The following LNPEP variants were observed in gnomAD, a reference collection of about 807,000 sequenced individuals.
The protein encoded by LNPEP is leucyl and cystinyl aminopeptidase.
A neutral mutation model predicts 120.6 loss-of-function variants in LNPEP; 64 were observed. That is an observed-to-expected ratio of 0.53 (90% CI 0.43 to 0.65). The LOEUF (loss-of-function observed/expected upper bound fraction) is 0.65. LNPEP is among the 30% of genes least tolerant of loss of function. The pLI is 0.00. For missense variants in LNPEP, 1,057 were observed against 1,200.0 expected (o/e 0.88, Z 1.76); for synonymous variants, 435 against 425.4 (o/e 1.02, Z -0.28).
intron 1 of LNPEP, among the ~76,000 whole-genome samples, chr5:96,963,618 G>A (rs1789657923): frequency 6.6e-6 from 1 of 152,166 alleles, no homozygotes; most frequent in African/African-American, 2.4e-5. Flanking sequence ...CCTAGGATTG[G>A]ACATTCCACA....
Position 96,985,356 on chromosome 5 carries a change from T to C in LNPEP, c.999+138T>C, listed in dbSNP as rs1032756219. The C allele has an allele frequency of 5.6e-6, 4 of 713,072 alleles. No homozygotes were observed. In the African/African-American group the frequency reaches 7.4e-5, roughly 13 times the overall value. 44.2% of individuals were successfully genotyped at this position (713,072 alleles called of 1,614,324 possible). ...AATATTCTTCCTTAAAATACTTAAA[T>C]AAAAATTAAAATATATTGGCATCAG... On this transcript the variant is annotated intron_variant, in intron 3 of 17. Transcript: ENST00000231368.
chr5:97,008,053 AC>A (rs1224822879), intron 11 of LNPEP, among the ~76,000 whole-genome samples: 1 of 152,182 alleles, frequency 6.6e-6, no homozygotes, highest in African/African-American at 2.4e-5. Flanking sequence ...AGCTGGAAGT[AC>A]AAGGAATTGC....
At chr5:97,027,863 C>T (rs202011495) in intron 17 of LNPEP, 49 bp downstream of exon 17, 1 of 1,093,290 alleles carries the variant, frequency 9.1e-7, no homozygotes, top group East Asian at 2.4e-5. Flanking sequence ...CCTCCGCACA[C>T]CCGGACCAGG....
At chr5:97,022,004 T>C (rs1791213225) in intron 13 of LNPEP, among the ~76,000 whole-genome samples, 1 of 134,910 alleles carries the variant, frequency 7.4e-6, no homozygotes, top group Admixed American at 8.2e-5. Flanking sequence ...CTATCTCAGC[T>C]CACTGCAACC....
rs142966856 is a variant in LNPEP, at chr5:97,022,457, A to G, written c.2534A>G (p.Asp845Gly). The G allele has an allele frequency of 1.1e-5, 17 of 1,613,808 alleles. No homozygotes were observed. The highest frequency in any genetic ancestry group is 1.4e-5 in the Non-Finnish European group (16 of 1,179,898). Residue 845 changes from aspartate (D) to glycine (G), a missense_variant, in exon 14 of 18, where the codon GAC becomes GGC. Coordinates refer to ENST00000231368, the MANE Select transcript of LNPEP (RefSeq NM_005575.3). ...CSTTAMKLFD[D>G]WMASNGTQSL... Reference sequence around the variant, plus strand: ...ACTACTGCCATGAAACTGTTTGATGACTGGATGGCATCCAATGGAACTCAA... The same window carrying G: ...ACTACTGCCATGAAACTGTTTGATGGCTGGATGGCATCCAATGGAACTCAA...
At chr5:96,955,949 C>CT (rs1296115028) in intron 1 of LNPEP, among the ~76,000 whole-genome samples, 1 of 152,144 alleles carries the variant, frequency 6.6e-6, no homozygotes, top group East Asian at 1.9e-4. Flanking sequence ...GTAAAATAAT[C>CT]TTTTTAATTT....
At chr5:96,982,040 G>C (rs1040334807) in intron 2 of LNPEP, among the ~76,000 whole-genome samples, 1 of 152,068 alleles carries the variant, frequency 6.6e-6, no homozygotes, top group African/African-American at 2.4e-5. Context: ...AGCCTCTTAC[G>C]TGTTTAGTCT....
Position 97,014,442 on chromosome 5 carries a change from G to A in LNPEP, c.2220-497G>A, listed in dbSNP as rs1159347191. Among the ~76,000 whole-genome samples the A allele has an allele frequency of 2.0e-5, 3 of 152,090 alleles. No homozygotes were observed. The East Asian group carries it at 5.8e-4, about 29-fold the overall frequency. On this transcript the variant is annotated intron_variant, in intron 12 of 17. Coordinates refer to ENST00000231368, the MANE Select transcript of LNPEP (RefSeq NM_005575.3). The stretch of plus-strand genomic sequence containing the variant: ...CCCTTCTTACGTCATCCTAGCCATT[G>A]CTGCTGTGATTCCTATAAAATGGTT...
intron 1 of LNPEP, chr5:96,936,983 G>C (rs1391317504): frequency 6.6e-6 from 1 of 152,224 alleles, no homozygotes; most frequent in Non-Finnish European, 1.5e-5. Context: ...GCTTTTGTGC[G>C]GACCAGAAGT....
At position 97,037,429 on chromosome 5, in the gene LNPEP, T is replaced by C. The variant is rs937904146; in HGVS notation, c.*8896T>C. The C allele has an allele frequency of 2.6e-5, 4 of 152,184 alleles. No individual in the cohort carries two copies. The highest frequency in any genetic ancestry group is 4.4e-5 in the Non-Finnish European group (3 of 68,024). The allele number at this position is 152,184 out of a possible 1,614,324, so 9.4% of individuals were successfully genotyped here. A position where few individuals can be genotyped will look rare whatever the true frequency, so the allele number is the denominator to read the frequency against. On this transcript the variant is annotated 3_prime_UTR_variant, in exon 18 of 18. Coordinates refer to ENST00000231368, the MANE Select transcript of LNPEP (RefSeq NM_005575.3). The stretch of plus-strand genomic sequence containing the variant: ...TATTTCTGATAACTTGTTTTGCATA[T>C]GACCAGCACTGACTGAAAGGCATGT...
intron 11 of LNPEP, chr5:97,010,778 CAT>C (rs953259067): frequency 2.0e-6 from 2 of 985,140 alleles, no homozygotes; most frequent in Non-Finnish European, 2.4e-6. Context: ...AAATTAAAAA[CAT>C]ATGAGGGTAG....
Position 97,028,933 on chromosome 5 carries a change from G to C in LNPEP, c.*400G>C, listed in dbSNP as rs1312915339. The C allele has an allele frequency of 5.7e-6, 1 of 174,568 alleles. No individual in the cohort carries two copies. Among genetic ancestry groups the C allele is most frequent in the African/African-American group, 2.4e-5 (1 of 41,634 alleles). 10.8% of individuals were successfully genotyped at this position (174,568 alleles called of 1,614,324 possible). ...ATCACTTCAGGCCGCTGGTTTGTCAGCCATCTGTTGCTTCTTATTGATAGA... is the reference window on the plus strand; with the variant it reads ...ATCACTTCAGGCCGCTGGTTTGTCACCCATCTGTTGCTTCTTATTGATAGA... On this transcript the variant is annotated 3_prime_UTR_variant, in exon 18 of 18. Coordinates refer to ENST00000231368, the MANE Select transcript of LNPEP (RefSeq NM_005575.3).
At chr5:97,028,139 T>G (rs1791390894) in intron 17 of LNPEP, among the ~76,000 whole-genome samples, 1 of 152,242 alleles carries the variant, frequency 6.6e-6, no homozygotes, top group Admixed American at 6.5e-5. Flanking sequence ...TATTGTTACT[T>G]AAACATCTCC....
intron 1 of LNPEP, among the ~76,000 whole-genome samples, chr5:96,973,398 A>G (rs114227465): frequency 0.05 from 7,564 of 152,164 alleles, 275 homozygotes; most frequent in Middle Eastern, 0.12. Context: ...GTTACTTTAT[A>G]TGATACTTAG....
chr5:97,035,947 G>A lies in LNPEP; in HGVS notation c.*7414G>A, dbSNP rs1049304760. 23 of 152,260 alleles carry A rather than the reference G, an allele frequency of 1.5e-4. No individual in the cohort carries two copies. The highest frequency in any genetic ancestry group is 5.5e-4 in the African/African-American group (23 of 41,578). The allele number at this position is 152,260 out of a possible 1,614,324, so 9.4% of individuals were successfully genotyped here. A position where few individuals can be genotyped will look rare whatever the true frequency, so the allele number is the denominator to read the frequency against. On this transcript the variant is annotated 3_prime_UTR_variant, in exon 18 of 18. Coordinates refer to ENST00000231368, the MANE Select transcript of LNPEP (RefSeq NM_005575.3). ...CTGTGCTTTTGTAAATTCTAGAAAG[G>A]CAAGAGGACAATATTGAATAAAGCT...
rs1258731897 is a variant in LNPEP at position 97,034,696 on chromosome 5, G to A, written c.*6163G>A. 2.0e-5 allele frequency: 3 copies of A among 152,002 alleles called. No homozygotes were observed. The highest frequency in any genetic ancestry group is 2.9e-5 in the Non-Finnish European group (2 of 67,986). 9.4% of individuals were successfully genotyped at this position (152,002 alleles called of 1,614,324 possible). A position where few individuals can be genotyped will look rare whatever the true frequency, so the allele number is the denominator to read the frequency against. On this transcript the variant is annotated 3_prime_UTR_variant, in exon 18 of 18. Coordinates refer to ENST00000231368, the MANE Select transcript of LNPEP (RefSeq NM_005575.3). ...GGTTTTAATGAGGAGTGGGATTGTT[G>A]AGAGGAAAAGGCAAGATATATAATT...
chr5:96,944,642 C>T (rs1436242652), intron 1 of LNPEP, among the ~76,000 whole-genome samples: 1 of 132,306 alleles, frequency 7.6e-6, no homozygotes, highest in Non-Finnish European at 1.5e-5. Flanking sequence ...AATCTCAGCT[C>T]ACTGCAAACT....
Position 97,022,381 on chromosome 5 carries a change from C to T in LNPEP, c.2458C>T (p.Arg820Trp). The change falls in exon 14 of 18, where the codon CGG becomes TGG. Residue 820 changes from arginine (R) to tryptophan (W), a missense_variant. Coordinates refer to ENST00000231368, the MANE Select transcript of LNPEP (RefSeq NM_005575.3). Reference protein sequence around the residue: ...DEGTPSMRELRSALLEFACTH... With the variant: ...DEGTPSMRELWSALLEFACTH... ...GGGCACTCCATCTATGCGAGAGCTT[C>T]GGTCAGCCCTGCTAGAGTTTGCTTG... 3 of 1,613,908 alleles carry T rather than the reference C, an allele frequency of 1.9e-6. No homozygotes were observed. The highest frequency in any genetic ancestry group is 2.5e-6 in the Non-Finnish European group (3 of 1,179,804).
At position 96,993,929 on chromosome 5, in the gene LNPEP, A is replaced by T. The variant is rs374691468; in HGVS notation, c.1365A>T (p.Arg455Ser). The part of the protein sequence containing the change: ...YDSNTSSMAD[R>S]KLVTKIIAHE... ...GTAACACTTCTTCAATGGCGGATAGAAAGCTGGTGACTAAAATCATTGCTC... is the reference window on the plus strand; with the variant it reads ...GTAACACTTCTTCAATGGCGGATAGTAAGCTGGTGACTAAAATCATTGCTC... The change falls in exon 6 of 18, where the codon AGA becomes AGT. Residue 455 changes from arginine (R) to serine (S), a missense_variant. Arg to Ser is a moderately radical substitution (Grantham distance 110). Coordinates refer to ENST00000231368, the MANE Select transcript of LNPEP (RefSeq NM_005575.3). The T allele has an allele frequency of 6.2e-7, 1 of 1,613,934 alleles. No homozygotes were observed. Among genetic ancestry groups the T allele is most frequent in the South Asian group, 1.1e-5 (1 of 91,080 alleles).
Sources: allele counts gnomAD v4.1 joint callset (sites outside exome capture counted in the v4.1 genomes callset), GRCh38; gene constraint gnomAD v4.1.1; transcripts MANE v1.5; gene names NCBI Gene and HGNC (gene_info 2026-07-23, HGNC 2026-07-21).